The following AP1S3 variants were observed in gnomAD, a reference collection of about 807,000 sequenced individuals.
AP1S3 encodes AP-1 complex subunit sigma-3.
Under a neutral mutation model 20.9 loss-of-function variants are expected in AP1S3, and 10 were observed. That is an observed-to-expected ratio of 0.48 (90% CI 0.29 to 0.81). The LOEUF is 0.81. AP1S3 is among the 30% of genes least tolerant of loss of function. The pLI is 0.08. For synonymous variants in AP1S3, 41 were observed against 61.5 expected (o/e 0.67, Z 1.56); for missense variants, 154 against 183.8 (o/e 0.84, Z 0.94).
At chr2:223,807,330 G>A (rs531330615) in intron 1 of AP1S3, among the ~76,000 whole-genome samples, 2 of 152,060 alleles carry the variant, frequency 1.3e-5, no homozygotes, top group East Asian at 3.9e-4. Flanking sequence ...AGGAAGGGAA[G>A]AACTGGGCTT....
rs765306556 is a variant in AP1S3, at chr2:223,777,789, C to T, written c.84G>A (p.Arg28=). ...GAACAATTTCCCGGGTGATCTTCTT[C>T]CTCTCTTTATCAGGGAGAGTGATGT... is the stretch of plus-strand genomic sequence containing the variant. ...KWYITLPDKE[R]KKITREIVQI... The change falls in exon 2 of 5, where the codon AGG becomes AGA. Residue 28 remains arginine (R), a synonymous_variant. Coordinates refer to ENST00000396654, the MANE Select transcript of AP1S3 (RefSeq NM_001039569.2). 6.2e-7 allele frequency: 1 copy of T among 1,614,124 alleles called. No homozygotes were observed. The highest frequency in any genetic ancestry group is 8.5e-7 in the Non-Finnish European group (1 of 1,179,992).
intron 2 of AP1S3, among the ~76,000 whole-genome samples, chr2:223,776,991 C>T (rs1016358053): frequency 6.6e-6 from 1 of 152,208 alleles, no homozygotes; most frequent in African/African-American, 2.4e-5. Context: ...TTTTCCAAAG[C>T]ACTTGTTACT....
At chr2:223,837,219 AGCCGCGGC>A (rs903571860) in intron 1 of AP1S3, among the ~76,000 whole-genome samples, 194 of 150,822 alleles carry the variant, frequency 1.3e-3, no homozygotes, top group African/African-American at 4.3e-3. Context: ...GAATGAATGG[AGCCGCGGC>A]GCCGCGGCGC....
chr2:223,815,719 C>T (rs755582842), intron 1 of AP1S3, among the ~76,000 whole-genome samples: 3 of 152,104 alleles, frequency 2.0e-5, no homozygotes, highest in Non-Finnish European at 2.9e-5. Flanking sequence ...GTTTTTAAGC[C>T]CTCACTTAAC....
intron 4 of AP1S3, among the ~76,000 whole-genome samples, chr2:223,762,007 C>G (rs932136268): frequency 2.6e-5 from 4 of 152,152 alleles, no homozygotes; most frequent in Admixed American, 2.6e-4. Flanking sequence ...GAGTCTCACT[C>G]TGCCGCCCAG....
chr2:223,800,875 G>A (rs901245457), intron 1 of AP1S3, among the ~76,000 whole-genome samples: 7 of 152,132 alleles, frequency 4.6e-5, no homozygotes. Flanking sequence ...TACAAATAGG[G>A]AAGAAAGAAA....
chr2:223,833,880 CTTTTTAT>C (rs1241036426), intron 1 of AP1S3, among the ~76,000 whole-genome samples: 1 of 130,518 alleles, frequency 7.7e-6, no homozygotes, highest in Non-Finnish European at 1.6e-5. Context: ...CCTTTACACT[CTTTTTAT>C]TTATTTATTT....
intron 1 of AP1S3, among the ~76,000 whole-genome samples, chr2:223,792,662 G>A (rs535507607): frequency 1.3e-5 from 2 of 152,168 alleles, no homozygotes; most frequent in East Asian, 1.9e-4. Flanking sequence ...ACATAGTCAC[G>A]AGCAGATTTC....
chr2:223,762,553 G>A (rs926706585), intron 4 of AP1S3, among the ~76,000 whole-genome samples: 21 of 152,118 alleles, frequency 1.4e-4, no homozygotes, highest in Admixed American at 1.2e-3. Flanking sequence ...GCTTACAGAC[G>A]TGAGCCACCA....
At chr2:223,822,916 A>C (rs190090636) in intron 1 of AP1S3, among the ~76,000 whole-genome samples, 12 of 152,258 alleles carry the variant, frequency 7.9e-5, no homozygotes, top group African/African-American at 2.2e-4. Context: ...CTGAAAAAAA[A>C]TGGGCAAAGA....
At chr2:223,815,500 A>T (rs1428520806) in intron 1 of AP1S3, among the ~76,000 whole-genome samples, 5 of 152,224 alleles carry the variant, frequency 3.3e-5, no homozygotes, top group African/African-American at 1.2e-4. Context: ...GCCACCTTCA[A>T]ATTCCTGAGG....
At chr2:223,764,392 G>A (rs1337487362) in intron 4 of AP1S3, among the ~76,000 whole-genome samples, 1 of 152,122 alleles carries the variant, frequency 6.6e-6, no homozygotes, top group Non-Finnish European at 1.5e-5. Context: ...GCAGAGGTCA[G>A]TGGGGTGAAG....
At chr2:223,763,918 T>C (rs1690419074) in intron 4 of AP1S3, among the ~76,000 whole-genome samples, 1 of 149,150 alleles carries the variant, frequency 6.7e-6, no homozygotes, top group African/African-American at 2.6e-5. Context: ...CAGTTTTACT[T>C]ATTTATTTAT....
At chr2:223,792,896 C>T (rs185568170) in intron 1 of AP1S3, among the ~76,000 whole-genome samples, 270 of 151,692 alleles carry the variant, frequency 1.8e-3, no homozygotes, top group African/African-American at 6.2e-3. Flanking sequence ...ACAAACAAAC[C>T]CATTAAAGTA....
chr2:223,759,032 G>T (rs746597898), intron 4 of AP1S3, among the ~76,000 whole-genome samples: 1 of 152,112 alleles, frequency 6.6e-6, no homozygotes, highest in Non-Finnish European at 1.5e-5. Context: ...TGGTGCTCAC[G>T]CCTGTAATAC....
At chr2:223,770,384 C>T in intron 3 of AP1S3, 1 of 1,544,296 alleles carries the variant, frequency 6.5e-7, no homozygotes, top group Admixed American at 2.0e-5. Context: ...TTATACCCCA[C>T]TTTGACACGT....
chr2:223,811,326 T>C (rs1691720674), intron 1 of AP1S3, among the ~76,000 whole-genome samples: 1 of 152,072 alleles, frequency 6.6e-6, no homozygotes, highest in Non-Finnish European at 1.5e-5. Flanking sequence ...CCAACACTTT[T>C]GGAGGCTGAG....
At chr2:223,815,000 C>T (rs1227343296) in intron 1 of AP1S3, among the ~76,000 whole-genome samples, 2 of 152,176 alleles carry the variant, frequency 1.3e-5, no homozygotes, top group African/African-American at 2.4e-5. Flanking sequence ...TCTTGAACTC[C>T]TGGGCTCAAG....
chr2:223,772,626 C>G (rs567175710), intron 3 of AP1S3, among the ~76,000 whole-genome samples: 2 of 151,856 alleles, frequency 1.3e-5, no homozygotes, highest in African/African-American at 4.8e-5. Context: ...AGTTAATCCT[C>G]GTAAATCTCC....
Sources: allele counts gnomAD v4.1 joint callset (sites outside exome capture counted in the v4.1 genomes callset), GRCh38; gene constraint gnomAD v4.1.1; transcripts MANE v1.5; gene names NCBI Gene and HGNC (gene_info 2026-07-23, HGNC 2026-07-21).